FGF13: variants seen among roughly 807,000 people sequenced by gnomAD.
FGF13 encodes the protein fibroblast growth factor homologous factor 2.
In FGF13, 2 loss-of-function variants were observed where a neutral mutation model predicts 19.5. The ratio of observed to expected loss-of-function variants is 0.10; its 90% CI spans 0.04 to 0.32. The LOEUF (loss-of-function observed/expected upper bound fraction) is 0.32. FGF13 is among the 10% of genes least tolerant of loss of function. The pLI is 1.00. For synonymous variants in FGF13, 72 were observed against 76.9 expected (o/e 0.94, Z 0.33); for missense variants, 113 against 192.7 (o/e 0.59, Z 2.45).
chrX:138,642,416 T>C (rs1424521527), intron 3 of FGF13, among the ~76,000 whole-genome samples: 2 of 111,662 alleles, frequency 1.8e-5, no homozygotes. Flanking sequence ...TGTAAAATGG[T>C]GAAAAAAATC....
intron 1 of FGF13, among the ~76,000 whole-genome samples, chrX:138,869,165 T>C (rs2091344848): frequency 1.8e-5 from 2 of 111,719 alleles, no homozygotes; most frequent in South Asian, 3.8e-4. Context: ...TCTGTGATCA[T>C]ATATGCTTCT....
At chrX:138,753,273 T>C (rs931742663) in intron 3 of FGF13, among the ~76,000 whole-genome samples, 12 of 112,230 alleles carry the variant, frequency 1.1e-4, no homozygotes, top group African/African-American at 3.9e-4. Context: ...GTTTTTCTCC[T>C]TGCTGATTCT....
intron 1 of FGF13, among the ~76,000 whole-genome samples, chrX:139,077,526 C>A (rs1285325937): frequency 1.8e-5 from 2 of 111,391 alleles, no homozygotes; most frequent in Admixed American, 9.6e-5. Context: ...TAGCACGGTG[C>A]CAGGCACAGC....
Position 138,620,578 on chromosome X carries a change from A to G in FGF13, c.*12272T>C, listed in dbSNP as rs1249796593. The G allele has an allele frequency of 8.9e-6, 1 of 112,045 alleles. No individual in the cohort carries two copies. The highest frequency in any genetic ancestry group is 9.5e-5 in the Admixed American group (1 of 10,494). The allele number at this position is 112,045 out of a possible 1,213,427, so 9.2% of individuals were successfully genotyped here. ...CAAGAGAGGAAGAAAGAAACAAAAA[A>G]ACTTACAAAACAGCTGAAAAACATT... On this transcript the variant is annotated 3_prime_UTR_variant, in exon 5 of 5. Transcript: ENST00000315930.
At chrX:138,959,167 A>C (rs1464920034) in intron 1 of FGF13, among the ~76,000 whole-genome samples, 9 of 111,859 alleles carry the variant, frequency 8.0e-5, no homozygotes, top group Middle Eastern at 4.7e-3. Flanking sequence ...TTAGTGCTCT[A>C]AATTTCCCTC....
At chrX:138,877,207 C>A (rs1418001484) in intron 1 of FGF13, among the ~76,000 whole-genome samples, 4 of 107,610 alleles carry the variant, frequency 3.7e-5, no homozygotes, top group Non-Finnish European at 7.7e-5. Flanking sequence ...TAACAAACTG[C>A]ACGTTCTGCA....
intron 1 of FGF13, among the ~76,000 whole-genome samples, chrX:138,911,573 T>G (rs2091588163): frequency 9.0e-6 from 1 of 110,817 alleles, no homozygotes; most frequent in African/African-American, 3.3e-5. Context: ...AACACAAGTT[T>G]ACCTATATAA....
At chrX:139,029,021 C>A (rs928876360) in intron 1 of FGF13, among the ~76,000 whole-genome samples, 1 of 110,692 alleles carries the variant, frequency 9.0e-6, no homozygotes, top group African/African-American at 3.3e-5. Context: ...TTAAGGAAAT[C>A]ATTTTTTTCT....
intron 1 of FGF13, among the ~76,000 whole-genome samples, chrX:139,103,053 C>T (rs2206125): frequency 0.097 from 10,790 of 111,763 alleles, 402 homozygotes; most frequent in South Asian, 0.21. Flanking sequence ...CCATTCCTTC[C>T]CCAGTATAAG....
At chrX:138,696,768 T>G (rs1311207293) in intron 3 of FGF13, among the ~76,000 whole-genome samples, 1 of 112,156 alleles carries the variant, frequency 8.9e-6, no homozygotes, top group Non-Finnish European at 1.9e-5. Flanking sequence ...GACAAAACAC[T>G]TACTAATTGA....
chrX:139,067,343 G>A (rs1406608957), intron 1 of FGF13, among the ~76,000 whole-genome samples: 1 of 111,659 alleles, frequency 9.0e-6, no homozygotes, highest in Non-Finnish European at 1.9e-5. Context: ...AAGTCAAATT[G>A]TCCCTGTTTG....
At chrX:139,179,913 T>C (rs2084226176) in intron 1 of FGF13, among the ~76,000 whole-genome samples, 1 of 113,289 alleles carries the variant, frequency 8.8e-6, no homozygotes, top group Non-Finnish European at 1.9e-5. Flanking sequence ...GGTGTCCCCA[T>C]AGTATGCCAA....
At chrX:138,936,000 C>T (rs2091729421) in intron 1 of FGF13, among the ~76,000 whole-genome samples, 2 of 112,368 alleles carry the variant, frequency 1.8e-5, no homozygotes, top group African/African-American at 6.5e-5. Flanking sequence ...CTTCATCTCT[C>T]CATTGCTTCT....
At chrX:138,639,347 G>A (rs1304955475) in intron 3 of FGF13, among the ~76,000 whole-genome samples, 1 of 111,751 alleles carries the variant, frequency 8.9e-6, no homozygotes, top group Non-Finnish European at 1.9e-5. Context: ...CACATGAGAG[G>A]CACTAAATAA....
chrX:139,068,991 AG>A (rs2092366839), intron 1 of FGF13, among the ~76,000 whole-genome samples: 2 of 108,086 alleles, frequency 1.9e-5, no homozygotes, highest in Admixed American at 2.0e-4. Context: ...GTGGAGAAAT[AG>A]GAACACTTTT....
chrX:139,086,078 T>G (rs780106922), intron 1 of FGF13, among the ~76,000 whole-genome samples: 43 of 112,478 alleles, frequency 3.8e-4, no homozygotes, highest in African/African-American at 1.2e-3. Flanking sequence ...TTTTACTTCT[T>G]CTTTGAACTT....
At chrX:138,971,104 A>C (rs1360698444) in intron 1 of FGF13, among the ~76,000 whole-genome samples, 2 of 111,633 alleles carry the variant, frequency 1.8e-5, no homozygotes, top group African/African-American at 6.5e-5. Context: ...GTGGCCCACA[A>C]CACCAAGGGT....
At chrX:138,734,282 C>T (rs2090256071) in intron 1 of FGF13, among the ~76,000 whole-genome samples, 1 of 111,596 alleles carries the variant, frequency 9.0e-6, no homozygotes, top group Admixed American at 9.6e-5. Context: ...TGTCATCTGT[C>T]TTATTATCTT....
intron 3 of FGF13, among the ~76,000 whole-genome samples, chrX:138,814,905 G>A (rs150304486): frequency 1.3e-4 from 14 of 111,504 alleles, no homozygotes; most frequent in Non-Finnish European, 1.9e-4. Context: ...TCATTGCAGC[G>A]TTATTTACAA....
Sources: allele counts gnomAD v4.1 joint callset (sites outside exome capture counted in the v4.1 genomes callset), GRCh38; gene constraint gnomAD v4.1.1; transcripts MANE v1.5; gene names NCBI Gene and HGNC (gene_info 2026-07-23, HGNC 2026-07-21).